MRPL3: variants seen among roughly 807,000 people sequenced by gnomAD.
The protein encoded by MRPL3 is large ribosomal subunit protein uL3m.
In MRPL3, 43 loss-of-function variants were observed where a neutral mutation model predicts 44.3. The ratio of observed to expected loss-of-function variants is 0.97; its 90% CI spans 0.76 to 1.25. MRPL3 has a LOEUF of 1.25. MRPL3 is among the 50% of genes most tolerant of loss of function. The pLI, the probability that MRPL3 is intolerant of heterozygous loss-of-function variation, is 0.00. For missense variants in MRPL3, 406 were observed against 427.6 expected, an observed-to-expected ratio of 0.95 and a Z score of 0.45; for synonymous variants, 171 against 152.3, an observed-to-expected ratio of 1.12 and a Z score of -0.91.
rs766569622 is a variant in MRPL3 at position 131,469,773 on chromosome 3, C to T, written c.739G>A (p.Asp247Asn). Residue 247 changes from aspartate (D) to asparagine (N), a missense_variant and splice_region_variant, in exon 8 of 10, where the codon GAT becomes AAT. Asp to Asn is a conservative substitution (Grantham distance 23). Coordinates refer to ENST00000264995, the MANE Select transcript of MRPL3 (RefSeq NM_007208.4). ...GTTCCAGGCCAGACTCTGCCAATAT[C>T]CTAAATGAGAAAACTAAAGTTAACA... is the stretch of plus-strand genomic sequence containing the variant. ...HRRPGAVATG[D>N]IGRVWPGTKM... The T allele has an allele frequency of 1.9e-6, 3 of 1,608,830 alleles. No individual in the cohort carries two copies. The highest frequency in any genetic ancestry group is 1.1e-5 in the South Asian group (1 of 90,786).
chr3:131,498,207 A>T lies in MRPL3; in HGVS notation c.440T>A (p.Val147Glu), dbSNP rs1292992991. 2 of 1,610,582 alleles carry T rather than the reference A, an allele frequency of 1.2e-6. No individual in the cohort carries two copies. The highest frequency in any genetic ancestry group is 1.7e-6 in the Non-Finnish European group (2 of 1,176,828). ...AAAACGTGATACAGTTTTTCCTCCT[A>T]CAGACAGGGTTGCCATTTTTCCATT... ...NCNGKMATLS[V>E]GGKTVSRFRK... The change falls in exon 4 of 10, where the codon GTA (valine) becomes GAA (glutamate). Residue 147 changes from valine (V) to glutamate (E), a missense_variant. Transcript: ENST00000264995.
At chr3:131,502,504 T>C (rs1934520394) in intron 1 of MRPL3, among the ~76,000 whole-genome samples, 2 of 152,252 alleles carry the variant, frequency 1.3e-5, no homozygotes, top group African/African-American at 4.8e-5. Context: ...ATATGATTGC[T>C]GTTAATAGCG....
At chr3:131,487,834 G>T in intron 5 of MRPL3, 94 bp from the exon 6 acceptor site, 2 of 933,410 alleles carry the variant, frequency 2.1e-6, no homozygotes, top group South Asian at 1.5e-5. Flanking sequence ...GCTTCTAGCT[G>T]ATTTCAAAAA....
At chr3:131,486,681 A>T (rs1020589816) in intron 6 of MRPL3, among the ~76,000 whole-genome samples, 6 of 152,138 alleles carry the variant, frequency 3.9e-5, no homozygotes, top group Non-Finnish European at 5.9e-5. Context: ...AAAGAAGACA[A>T]CTATGCAGCC....
rs961023295 is a variant in MRPL3 at position 131,501,542 on chromosome 3, G to C, written c.266C>G (p.Pro89Arg). 1.9e-6 allele frequency: 3 copies of C among 1,610,592 alleles called. No homozygotes were observed. Among genetic ancestry groups the C allele is most frequent in the East Asian group, 4.5e-5 (2 of 44,856 alleles). ...TACAAAATAATCACCTGGTTCCCAA[G>C]GATGTATAGGCCATGGTTCATCTTT... ...PLKDEPWPIH[P>R]WEPGSFRVGL... Residue 89 changes from proline to arginine, a missense_variant, in exon 2 of 10, where the codon CCT becomes CGT. By Grantham distance (103) the Pro-to-Arg change is moderately radical. Coordinates refer to ENST00000264995, the MANE Select transcript of MRPL3 (RefSeq NM_007208.4).
At chr3:131,497,932 T>C (rs1000069244) in intron 4 of MRPL3, 4 of 492,844 alleles carry the variant, frequency 8.1e-6, no homozygotes, top group African/African-American at 7.8e-5. Flanking sequence ...TGTACAGATA[T>C]ACAAGCACTA....
chr3:131,495,742 C>T (rs1319180366), intron 4 of MRPL3, among the ~76,000 whole-genome samples: 1 of 152,074 alleles, frequency 6.6e-6, no homozygotes, highest in Non-Finnish European at 1.5e-5. Flanking sequence ...TTGATTATAA[C>T]ACATCTTTAT....
intron 6 of MRPL3, among the ~76,000 whole-genome samples, chr3:131,485,699 A>G (rs1335286296): frequency 1.3e-5 from 2 of 152,146 alleles, no homozygotes; most frequent in African/African-American, 4.8e-5. Flanking sequence ...AAGAAGACTC[A>G]TCTTATTACC....
chr3:131,484,278 C>T (rs114249357), intron 6 of MRPL3, among the ~76,000 whole-genome samples: 158 of 152,250 alleles, frequency 1.0e-3, no homozygotes, highest in African/African-American at 3.6e-3. Context: ...ATCTATATCA[C>T]CTGGAAACTT....
chr3:131,489,040 TTA>T (rs898442240), intron 5 of MRPL3, among the ~76,000 whole-genome samples: 10 of 152,084 alleles, frequency 6.6e-5, no homozygotes, highest in African/African-American at 2.4e-4. Flanking sequence ...TGGCTTAATT[TTA>T]TCTTTATCAT....
chr3:131,479,285 C>T, intron 6 of MRPL3: 1 of 480,788 alleles, frequency 2.1e-6, no homozygotes, highest in East Asian at 5.7e-5. Context: ...GTTTAAGTGA[C>T]TTGTACATAT....
chr3:131,501,913 T>A (rs759115710), intron 1 of MRPL3, 198 bp from the exon 2 acceptor site: 2 of 1,536,142 alleles, frequency 1.3e-6, no homozygotes, highest in Non-Finnish European at 1.7e-6. Flanking sequence ...ATTTAAACTG[T>A]TAGTCGTTAC....
At chr3:131,493,496 T>G (rs1311156825) in intron 4 of MRPL3, among the ~76,000 whole-genome samples, 2 of 152,206 alleles carry the variant, frequency 1.3e-5, no homozygotes, top group Admixed American at 6.5e-5. Flanking sequence ...AAGGCTGTTT[T>G]TTATTCATCT....
At chr3:131,471,042 G>A in intron 7 of MRPL3, 129 bp downstream of exon 7, 1 of 643,900 alleles carries the variant, frequency 1.6e-6, no homozygotes, top group South Asian at 1.9e-5. Context: ...CCATAAAAGG[G>A]TGACAAGTAC....
chr3:131,479,577 G>A (rs931754733), intron 6 of MRPL3, among the ~76,000 whole-genome samples: 1 of 152,184 alleles, frequency 6.6e-6, no homozygotes, highest in African/African-American at 2.4e-5. Context: ...GGGCATGGTG[G>A]CTCACGGCCT....
chr3:131,477,205 C>T (rs897933302), intron 6 of MRPL3, among the ~76,000 whole-genome samples: 4 of 152,136 alleles, frequency 2.6e-5, no homozygotes, highest in Non-Finnish European at 4.4e-5. Flanking sequence ...GGGGATAAAA[C>T]GAAATGTCCA....
intron 5 of MRPL3, among the ~76,000 whole-genome samples, chr3:131,489,621 A>G (rs1934204293): frequency 6.6e-6 from 1 of 152,078 alleles, no homozygotes; most frequent in Non-Finnish European, 1.5e-5. Context: ...TTCTGTTATT[A>G]TATTTTCTCC....
At chr3:131,499,752 T>TAAC (rs201092954) in intron 3 of MRPL3, among the ~76,000 whole-genome samples, 1,702 of 151,848 alleles carry the variant, frequency 0.011, 14 homozygotes, top group East Asian at 0.035. Context: ...ATAATAATAA[T>TAAC]AACAACAATG....
chr3:131,487,031 T>A (rs1400463314), intron 6 of MRPL3: 1 of 152,196 alleles, frequency 6.6e-6, no homozygotes, highest in Non-Finnish European at 1.5e-5. Context: ...CTATTCACAA[T>A]AGCAAAGACT....
Sources: gnomAD v4.1 joint callset for allele counts (sites outside exome capture counted in the v4.1 genomes callset) on GRCh38, gnomAD v4.1.1 for gene constraint, MANE v1.5 for transcripts, NCBI Gene and HGNC (gene_info 2026-07-23, HGNC 2026-07-21) for gene names.